The following PARP6 variants were observed in gnomAD, a reference collection of about 807,000 sequenced individuals.
The protein encoded by PARP6 is protein mono-ADP-ribosyltransferase PARP6.
In PARP6, 27 loss-of-function variants were observed where a neutral mutation model predicts 92.0. That is an observed-to-expected ratio of 0.29 (90% CI 0.22 to 0.40). PARP6 has a LOEUF of 0.40. Among genes scored for constraint, PARP6 ranks in the 10% least tolerant of loss-of-function variants. The pLI is 1.00. For missense variants in PARP6, 501 were observed against 784.5 expected, an observed-to-expected ratio of 0.64 and a Z score of 4.32; for synonymous variants, 272 against 281.2, an observed-to-expected ratio of 0.97 and a Z score of 0.33.
At chr15:72,254,798 G>C (rs1315878063) in intron 14 of PARP6, among the ~76,000 whole-genome samples, 1 of 152,098 alleles carries the variant, frequency 6.6e-6, no homozygotes, top group Non-Finnish European at 1.5e-5. Flanking sequence ...ATGTTCTGAG[G>C]ATTAAATATC....
At chr15:72,261,300 TG>T (rs1567219381) in intron 9 of PARP6, among the ~76,000 whole-genome samples, 1 of 152,236 alleles carries the variant, frequency 6.6e-6, no homozygotes, top group African/African-American at 2.4e-5. Flanking sequence ...AACAGAAAGA[TG>T]GAAGATTCAG....
At position 72,272,511 on chromosome 15, in the gene PARP6, C is replaced by T. The variant is rs1490663510; in HGVS notation, c.-578G>A. On this transcript the variant is annotated 5_prime_UTR_variant, in exon 1 of 24. Coordinates refer to ENST00000569795, the MANE Select transcript of PARP6 (RefSeq NM_001323532.2). ...GCCTGGCGAGTACTCACGGCGACCC[C>T]GGGCCGCGCGCGGCCGCAGCCGACG... The T allele has an allele frequency of 2.0e-5, 3 of 150,632 alleles. No individual in the cohort carries two copies. The highest frequency in any genetic ancestry group is 7.3e-5 in the African/African-American group (3 of 41,246). 9.3% of individuals were successfully genotyped at this position (150,632 alleles called of 1,614,324 possible).
chr15:72,265,520 G>A (rs1369096667), intron 5 of PARP6, 47 bp from the exon 6 acceptor site: 1 of 1,404,274 alleles, frequency 7.1e-7, no homozygotes, highest in East Asian at 2.3e-5. Context: ...AAGGGAGAAA[G>A]AAGGGAATAG....
In PARP6 at chr15:72,242,287, G is replaced by C; in HGVS notation, c.1642-67C>G. ...GGGTACAGCTTTCCCTAGAGAGGCT[G>C]GTTAGCTGATGATTGGGAGTGGGGA... On this transcript the variant is annotated intron_variant, in intron 21 of 23. Transcript: ENST00000569795. The surrounding 1 kb of genome is among the most constrained non-coding windows in gnomAD (Gnocchi z 4.3). 7.8e-7 allele frequency: 1 copy of C among 1,283,148 alleles called. No individual in the cohort carries two copies. The allele number at this position is 1,283,148 out of a possible 1,614,324, so 79.5% of individuals were successfully genotyped here.
At chr15:72,271,576 A>T (rs2087438911) in intron 1 of PARP6, among the ~76,000 whole-genome samples, 1 of 152,232 alleles carries the variant, frequency 6.6e-6, no homozygotes, top group East Asian at 1.9e-4. Flanking sequence ...GAATACTTAG[A>T]CCTACAGAGG....
intron 10 of PARP6, among the ~76,000 whole-genome samples, chr15:72,260,084 G>A (rs998220318): frequency 2.0e-5 from 3 of 152,208 alleles, no homozygotes; most frequent in Non-Finnish European, 4.4e-5. Context: ...CACTTTGGGA[G>A]GTGAAGGAAG....
chr15:72,267,573 G>A lies in PARP6; in HGVS notation c.-96C>T, dbSNP rs1026215953. The A allele has an allele frequency of 6.0e-6, 8 of 1,324,380 alleles. No homozygotes were observed. Among genetic ancestry groups the A allele is most frequent in the Non-Finnish European group, 8.7e-6 (8 of 917,180 alleles). The allele number at this position is 1,324,380 out of a possible 1,614,324, so 82.0% of individuals were successfully genotyped here. ...AGGCCAACGAGATGGGCATTTAGGA[G>A]ACCACAAAGGGAGACAAGGTAGGGC... On this transcript the variant is annotated 5_prime_UTR_variant, in exon 3 of 24. Transcript: ENST00000569795.
At chr15:72,258,200 G>T in intron 11 of PARP6, 68 bp from the exon 12 acceptor site, 2 of 1,256,526 alleles carry the variant, frequency 1.6e-6, no homozygotes, top group Non-Finnish European at 1.2e-6. Context: ...AATAATTTCA[G>T]CTTTTTTTTC....
chr15:72,271,958 A>T (rs2087499257), intron 1 of PARP6, among the ~76,000 whole-genome samples: 2 of 152,190 alleles, frequency 1.3e-5, no homozygotes, highest in Admixed American at 1.3e-4. Flanking sequence ...GTCTAGTCAA[A>T]GCAGCTTCAG....
intron 2 of PARP6, among the ~76,000 whole-genome samples, chr15:72,269,633 C>T (rs980474643): frequency 2.0e-5 from 3 of 152,058 alleles, no homozygotes; most frequent in South Asian, 2.1e-4. Flanking sequence ...GGCACTGAGG[C>T]TCATGCCTGT....
chr15:72,263,302 T>C (rs1369774122), intron 8 of PARP6, among the ~76,000 whole-genome samples: 1 of 152,208 alleles, frequency 6.6e-6, no homozygotes, highest in Non-Finnish European at 1.5e-5. Context: ...CAAATCTTTC[T>C]AATCTGTCTC....
chr15:72,242,056 C>T lies in PARP6; in HGVS notation c.1706-71G>A. 2 of 1,448,566 alleles carry T rather than the reference C, an allele frequency of 1.4e-6. No homozygotes were observed. Among genetic ancestry groups the T allele is most frequent in the Admixed American group, 1.7e-5 (1 of 59,746 alleles). 89.7% of individuals were successfully genotyped at this position (1,448,566 alleles called of 1,614,324 possible). A position where few individuals can be genotyped will look rare whatever the true frequency, so the allele number is the denominator to read the frequency against. On this transcript the variant is annotated intron_variant, in intron 22 of 23. Transcript: ENST00000569795. This position sits in a 1 kb window ranked among gnomAD's most constrained non-coding sequence, Gnocchi z 4.3. ...CAGAGTCCAGGCAGGAGAAGGAAGCCATGCCACTTCAACATCACTCTTGGC... is the reference window on the plus strand; with the variant it reads ...CAGAGTCCAGGCAGGAGAAGGAAGCTATGCCACTTCAACATCACTCTTGGC...
At chr15:72,259,852 T>C (rs2085625192) in intron 10 of PARP6, among the ~76,000 whole-genome samples, 191 bp from the exon 11 acceptor site, 1 of 152,228 alleles carries the variant, frequency 6.6e-6, no homozygotes, top group Non-Finnish European at 1.5e-5. Flanking sequence ...TCCTTAACCC[T>C]CCTTCAAAGT....
chr15:72,259,750 C>A, intron 10 of PARP6, 89 bp from the exon 11 acceptor site: 1 of 1,082,104 alleles, frequency 9.2e-7, no homozygotes, highest in South Asian at 1.4e-5. Flanking sequence ...CTAGGACTCT[C>A]CTAAAGCAGC....
chr15:72,244,040 G>A (rs1326408550), intron 20 of PARP6: 1 of 152,178 alleles, frequency 6.6e-6, no homozygotes, highest in East Asian at 1.9e-4. Context: ...AGGACACCAA[G>A]AGCCTCAAGG....
intron 7 of PARP6, among the ~76,000 whole-genome samples, 153 bp from the exon 8 acceptor site, chr15:72,264,774 G>A (rs1454764225): frequency 6.6e-6 from 1 of 152,136 alleles, no homozygotes; most frequent in East Asian, 1.9e-4. Context: ...CTGAGGGAGA[G>A]GGCAGATTCT....
intron 14 of PARP6, among the ~76,000 whole-genome samples, chr15:72,256,143 T>G (rs550742947): frequency 6.6e-6 from 1 of 152,308 alleles, no homozygotes; most frequent in African/African-American, 2.4e-5. Context: ...TTATCCCTTT[T>G]TACAAGATAA....
Position 72,256,578 on chromosome 15 carries a change from G to C in PARP6, c.1012C>G (p.Leu338Val). Residue 338 changes from leucine (L) to valine (V), a missense_variant, in exon 14 of 24, where the codon CTG (leucine) becomes GTG (valine). Physicochemically the swap from Leu to Val is conservative, Grantham distance 32. Coordinates refer to ENST00000569795, the MANE Select transcript of PARP6 (RefSeq NM_001323532.2). ...VATGAEVVDLLVAMCRAALES... is the reference protein window; with the variant it reads ...VATGAEVVDLVVAMCRAALES... ...AAAGCTGCCCTACACATGGCCACCA[G>C]CAGATCCACCACCTTAGGGGAAAGG... The C allele has an allele frequency of 6.4e-7, 1 of 1,564,560 alleles. No individual in the cohort carries two copies.
chr15:72,261,703 G>C lies in PARP6; in HGVS notation c.400C>G (p.Leu134Val). 3 of 1,613,886 alleles carry C rather than the reference G, an allele frequency of 1.9e-6. No homozygotes were observed. The highest frequency in any genetic ancestry group is 2.5e-6 in the Non-Finnish European group (3 of 1,179,850). ...CATTGTTGGGATGTAAACATACCCA[G>C]GATCCTGAGGGATCAAAAAGAATGA... is the stretch of plus-strand genomic sequence containing the variant. The part of the protein sequence containing the change: ...FGLGLQLKKI[L>V]GMFTSQQWKH... The change falls in exon 9 of 24, where the codon CTG (leucine) becomes GTG (valine). Residue 134 changes from leucine (L) to valine (V), a missense_variant. Transcript: ENST00000569795.
Sources: gnomAD v4.1 joint callset for allele counts (sites outside exome capture counted in the v4.1 genomes callset) on GRCh38, gnomAD v4.1.1 for gene constraint, Gnocchi (gnomAD v3.1) non-coding constraint, MANE v1.5 for transcripts, NCBI Gene and HGNC (gene_info 2026-07-23, HGNC 2026-07-21) for gene names.